Variants in SEMA5A observed in about 807,000 individuals in gnomAD.
SEMA5A encodes semaphorin 5A.
Under a neutral mutation model 135.5 loss-of-function variants are expected in SEMA5A, and 55 were observed. The ratio of observed to expected loss-of-function variants is 0.41; its 90% CI spans 0.33 to 0.51. The LOEUF is 0.51. Among genes scored for constraint, SEMA5A ranks in the 20% least tolerant of loss-of-function variants. SEMA5A has a pLI of 0.37. For synonymous variants in SEMA5A, 580 were observed against 546.5 expected (o/e 1.06, Z -0.85); for missense variants, 1,290 against 1,419.9 (o/e 0.91, Z 1.47).
At chr5:9,268,352 G>A (rs1749788807) in intron 5 of SEMA5A, among the ~76,000 whole-genome samples, 1 of 152,118 alleles carries the variant, frequency 6.6e-6, no homozygotes. Context: ...TGGAAGATGT[G>A]CACAGCTAGC....
In SEMA5A at chr5:9,523,636, C is replaced by G. The variant is rs553774321; in HGVS notation, c.-175+21948G>C. Among the ~76,000 whole-genome samples the G allele has an allele frequency of 2.6e-5, 4 of 152,306 alleles. No individual in the cohort carries two copies. In the East Asian group the frequency reaches 7.7e-4, roughly 29 times the overall value. ...AAATAATCACCCTCCTGGGTGAACT[C>G]TCTTTGTCAACAGTTGGTCTGGAGG... On this transcript the variant is annotated intron_variant, in intron 1 of 22. Transcript: ENST00000382496.
intron 5 of SEMA5A, among the ~76,000 whole-genome samples, chr5:9,287,856 TA>T (rs555481401): frequency 1.8e-3 from 270 of 152,338 alleles, no homozygotes; most frequent in Admixed American, 6.9e-3. Context: ...CAAAGTAACT[TA>T]AAAATTATTT....
intron 12 of SEMA5A, among the ~76,000 whole-genome samples, chr5:9,145,852 C>A (rs1365489406): frequency 6.7e-6 from 1 of 149,904 alleles, no homozygotes; most frequent in East Asian, 2.0e-4. Context: ...ATCATGTTGA[C>A]CAGACTAGTC....
intron 15 of SEMA5A, among the ~76,000 whole-genome samples, chr5:9,109,083 C>T (rs1330728631): frequency 2.3e-5 from 3 of 129,042 alleles, no homozygotes; most frequent in South Asian, 5.6e-4. Flanking sequence ...CTCTGTCGCC[C>T]AGGCTGGAGT....
intron 1 of SEMA5A, among the ~76,000 whole-genome samples, chr5:9,481,939 A>G (rs1263058680): frequency 3.3e-5 from 5 of 152,204 alleles, no homozygotes; most frequent in Admixed American, 6.5e-5. Context: ...CAGATCCCCA[A>G]TGAGAGCACA....
At chr5:9,201,641 T>A (rs1389205493) in intron 9 of SEMA5A, among the ~76,000 whole-genome samples, 2 of 152,194 alleles carry the variant, frequency 1.3e-5, no homozygotes, top group African/African-American at 4.8e-5. Flanking sequence ...TGTATCAGTA[T>A]TTCAAAAAGT....
chr5:9,119,737 C>G (rs1183661610), intron 14 of SEMA5A, among the ~76,000 whole-genome samples: 3 of 152,048 alleles, frequency 2.0e-5, no homozygotes, highest in African/African-American at 7.2e-5. Context: ...ATATTCAAAG[C>G]TTTAAAACAA....
intron 1 of SEMA5A, among the ~76,000 whole-genome samples, chr5:9,542,362 T>C (rs1406286171): frequency 6.6e-6 from 1 of 152,242 alleles, no homozygotes; most frequent in Non-Finnish European, 1.5e-5. Context: ...TGAGAACATA[T>C]GTGAAATTAT....
intron 1 of SEMA5A, among the ~76,000 whole-genome samples, chr5:9,512,393 A>G (rs1430053598): frequency 6.6e-6 from 1 of 152,242 alleles, no homozygotes; most frequent in African/African-American, 2.4e-5. Context: ...AGGTATCGTT[A>G]CTTTTCAAAT....
intron 2 of SEMA5A, among the ~76,000 whole-genome samples, chr5:9,406,550 T>C (rs1350439477): frequency 6.6e-6 from 1 of 152,204 alleles, no homozygotes; most frequent in East Asian, 1.9e-4. Flanking sequence ...TATAAATGCA[T>C]CAAATATAAA....
At chr5:9,117,164 G>A (rs910691213) in intron 15 of SEMA5A, among the ~76,000 whole-genome samples, 8 of 152,106 alleles carry the variant, frequency 5.3e-5, no homozygotes, top group East Asian at 1.9e-4. Context: ...TGAAGACACC[G>A]CTGTATCTTT....
chr5:9,071,838 C>T (rs1561124392), intron 16 of SEMA5A, among the ~76,000 whole-genome samples: 2 of 152,202 alleles, frequency 1.3e-5, no homozygotes, highest in Non-Finnish European at 2.9e-5. Context: ...AGTAACTAAG[C>T]TTGGCCTGCT....
rs1296222595 is a variant in SEMA5A at position 9,154,063 on chromosome 5, ATATATATATATATAT to A, written c.1481+410_1481+424del. 1.3e-4 allele frequency among the ~76,000 whole-genome samples: 10 copies of A among 75,520 alleles called. 2 individuals are homozygous for A. Among genetic ancestry groups the A allele is most frequent in the South Asian group, 1.0e-3 (2 of 1,922 alleles). The allele number at this position is 75,520 out of a possible 152,430, so 49.5% of individuals were successfully genotyped here. A position where few individuals can be genotyped will look rare whatever the true frequency, so the allele number is the denominator to read the frequency against. ...TGTGTCTCAAAAAAAAAAAAAAAAA[ATATATATATATATAT>A]ATATATATATATATATGTGTGTGTG... On this transcript the variant is annotated intron_variant, in intron 12 of 22. Transcript: ENST00000382496.
chr5:9,133,534 C>A (rs1429278938), intron 13 of SEMA5A, among the ~76,000 whole-genome samples: 1 of 152,142 alleles, frequency 6.6e-6, no homozygotes, highest in African/African-American at 2.4e-5. Flanking sequence ...AAGAAGCAGA[C>A]CTTGTAATGA....
chr5:9,314,601 T>C (rs1207956670), intron 5 of SEMA5A, among the ~76,000 whole-genome samples: 1 of 152,066 alleles, frequency 6.6e-6, no homozygotes, highest in Admixed American at 6.6e-5. Context: ...TCTACCAGTG[T>C]GCTTATTCCT....
intron 3 of SEMA5A, among the ~76,000 whole-genome samples, chr5:9,341,621 G>T (rs1218275743): frequency 6.7e-6 from 1 of 148,346 alleles, no homozygotes; most frequent in Non-Finnish European, 1.5e-5. Flanking sequence ...ATGAAATGGA[G>T]CTTAAATATG....
chr5:9,229,340 C>G (rs1395240908), intron 6 of SEMA5A, among the ~76,000 whole-genome samples: 1 of 152,016 alleles, frequency 6.6e-6, no homozygotes, highest in Non-Finnish European at 1.5e-5. Context: ...GTTTTTATTC[C>G]TGGGGAAGGG....
chr5:9,124,236 T>A (rs1219539682), intron 13 of SEMA5A, among the ~76,000 whole-genome samples: 3 of 152,138 alleles, frequency 2.0e-5, no homozygotes, highest in Non-Finnish European at 4.4e-5. Context: ...GGGACATGCA[T>A]GACCAGCTCT....
intron 5 of SEMA5A, among the ~76,000 whole-genome samples, chr5:9,243,326 C>T (rs992602019): frequency 7.2e-5 from 11 of 152,156 alleles, no homozygotes; most frequent in Admixed American, 6.5e-4. Flanking sequence ...TGGTGTTCTC[C>T]TTGTGTTTTT....
Sources: allele counts gnomAD v4.1 joint callset (sites outside exome capture counted in the v4.1 genomes callset), GRCh38; gene constraint gnomAD v4.1.1; transcripts MANE v1.5; gene names NCBI Gene and HGNC (gene_info 2026-07-23, HGNC 2026-07-21).